Variants in PTDSS1 observed in about 807,000 individuals in gnomAD.
PTDSS1 encodes phosphatidylserine synthase 1, also known as PSS-1.
Under a neutral mutation model 70.5 loss-of-function variants are expected in PTDSS1, and 45 were observed. That is an observed-to-expected ratio of 0.64 (90% CI 0.50 to 0.82). The LOEUF (loss-of-function observed/expected upper bound fraction) is 0.82, where lower values mean the gene tolerates loss of function less well. Ranked by LOEUF, PTDSS1 falls within the 40% of genes least tolerant of loss-of-function variation. The pLI is 0.00. For missense variants in PTDSS1, 417 were observed against 586.1 expected (o/e 0.71, Z 2.98); for synonymous variants, 188 against 203.8 (o/e 0.92, Z 0.66).
Position 96,333,680 on chromosome 8 carries a change from G to A in PTDSS1, c.*114G>A, listed in dbSNP as rs777671798. The A allele has an allele frequency of 7.3e-6, 7 of 964,930 alleles. No homozygotes were observed. The highest frequency in any genetic ancestry group is 4.8e-5 in the African/African-American group (3 of 61,984). The allele number at this position is 964,930 out of a possible 1,614,324, so 59.8% of individuals were successfully genotyped here. A position where few individuals can be genotyped will look rare whatever the true frequency, so the allele number is the denominator to read the frequency against. On this transcript the variant is annotated 3_prime_UTR_variant, in exon 13 of 13. Transcript: ENST00000517309. ...GCGCACAGGGCAAGCAGGAAGAGGC[G>A]AGGGCACTTGGGGGTCATTATTTGA...
chr8:96,274,797 C>T (rs924704239), intron 2 of PTDSS1, among the ~76,000 whole-genome samples: 3 of 152,088 alleles, frequency 2.0e-5, no homozygotes, highest in Admixed American at 2.0e-4. Flanking sequence ...CAGACTCATA[C>T]GTAGCACTGC....
At chr8:96,294,470 C>A (rs944083303) in intron 4 of PTDSS1, among the ~76,000 whole-genome samples, 30 of 152,030 alleles carry the variant, frequency 2.0e-4, no homozygotes, top group African/African-American at 6.5e-4. Context: ...AGAAATGGAA[C>A]CAACATTCTG....
chr8:96,330,947 A>G, intron 11 of PTDSS1, 79 bp from the exon 12 acceptor site: 1 of 1,229,994 alleles, frequency 8.1e-7, no homozygotes, highest in East Asian at 2.3e-5. Context: ...GCAGGGATGC[A>G]GCATGCTCGC....
rs150031410 is a variant in PTDSS1 at position 96,311,854 on chromosome 8, A to C, written c.1073+2232A>C. ...CGCTTCATGTGTGAGGGCCCTGTGT[A>C]CTGGAAGAAGGGATGTGGGCCCCTC... is the stretch of plus-strand genomic sequence containing the variant. On this transcript the variant is annotated intron_variant, in intron 9 of 12. Transcript: ENST00000517309. 1.9e-3 allele frequency among the ~76,000 whole-genome samples: 295 copies of C among 152,310 alleles called. 1 individual carries two copies. Among genetic ancestry groups the C allele is most frequent in the African/African-American group, 6.9e-3 (285 of 41,568 alleles).
chr8:96,291,059 G>T (rs1380837317), intron 4 of PTDSS1, among the ~76,000 whole-genome samples: 1 of 151,816 alleles, frequency 6.6e-6, no homozygotes, highest in East Asian at 1.9e-4. Flanking sequence ...ATGTCTTTAA[G>T]CTTCAATACT....
At chr8:96,272,274 A>G (rs78124109) in intron 1 of PTDSS1, among the ~76,000 whole-genome samples, 2,452 of 151,432 alleles carry the variant, frequency 0.016, 29 homozygotes, top group Non-Finnish European at 0.027. Flanking sequence ...TATTTTTTTA[A>G]TTCTCCAATT....
intron 11 of PTDSS1, chr8:96,330,695 C>T (rs1361353897): frequency 2.7e-6 from 1 of 375,978 alleles, no homozygotes; most frequent in African/African-American, 2.0e-5. Context: ...ATGAGGATAC[C>T]ATAGAAAATA....
At chr8:96,326,824 G>T (rs1417511976) in intron 10 of PTDSS1, among the ~76,000 whole-genome samples, 2 of 152,206 alleles carry the variant, frequency 1.3e-5, no homozygotes, top group Non-Finnish European at 2.9e-5. Context: ...GTGCTGCCAG[G>T]CCTAGTTGAC....
At chr8:96,264,686 C>G (rs987380198) in intron 1 of PTDSS1, among the ~76,000 whole-genome samples, 1 of 152,148 alleles carries the variant, frequency 6.6e-6, no homozygotes, top group Admixed American at 6.5e-5. Context: ...AAATAGGTTT[C>G]TCTTCCTCTT....
rs557444718 is a variant in PTDSS1 at position 96,306,504 on chromosome 8, T to C, written c.955T>C (p.Leu319=). The C allele has an allele frequency of 3.8e-5, 61 of 1,614,156 alleles. No homozygotes were observed. In the South Asian group the frequency reaches 5.9e-4, roughly 16 times the overall value. Residue 319 remains leucine, a synonymous_variant, in exon 8 of 13, where the codon TTA becomes CTA. Coordinates refer to ENST00000517309, the MANE Select transcript of PTDSS1 (RefSeq NM_014754.3). Reference sequence around the variant, plus strand: ...CTTTGTGTTCCAAGCCAGTCATCCATTAAGTTGGGGTAGAATTCTCTTTAT... The same window carrying C: ...CTTTGTGTTCCAAGCCAGTCATCCACTAAGTTGGGGTAGAATTCTCTTTAT... ...HIFVFQASHP[L]SWGRILFIGG...
In PTDSS1 at chr8:96,325,467, C is replaced by G. The variant is rs1358302506; in HGVS notation, c.1174-4746C>G. On this transcript the variant is annotated intron_variant, in intron 10 of 12. Transcript: ENST00000517309. ...AGGATTTTTAAGGGTTGCAGTGAAC[C>G]GCTGGCTTTCCCCCAGCCCCCCAGG... Among the ~76,000 whole-genome samples, 4 of 152,264 alleles carry G rather than the reference C, an allele frequency of 2.6e-5. No individual in the cohort carries two copies. In the South Asian group the frequency reaches 8.3e-4, roughly 32 times the overall value.
At chr8:96,331,469 C>T (rs989545149) in intron 12 of PTDSS1, among the ~76,000 whole-genome samples, 1 of 151,858 alleles carries the variant, frequency 6.6e-6, no homozygotes, top group Admixed American at 6.6e-5. Context: ...GCGGAGGTTG[C>T]CATGAGCCAA....
At chr8:96,292,605 G>C (rs1810923695) in intron 4 of PTDSS1, among the ~76,000 whole-genome samples, 1 of 152,322 alleles carries the variant, frequency 6.6e-6, no homozygotes, top group South Asian at 2.1e-4. Flanking sequence ...AAAGGCCATG[G>C]AAGGTTTATA....
chr8:96,288,281 T>C lies in PTDSS1; in HGVS notation c.441+1135T>C, dbSNP rs73271859. ...TGGATGTGTTCACTAACCTGGAAAC[T>C]CTGAACCCCAGAGTTCAGAGATTTT... On this transcript the variant is annotated intron_variant, in intron 4 of 12. Coordinates refer to ENST00000517309, the MANE Select transcript of PTDSS1 (RefSeq NM_014754.3). 5.5e-3 allele frequency among the ~76,000 whole-genome samples: 836 copies of C among 152,164 alleles called. 7 individuals carry two copies. Among genetic ancestry groups the C allele is most frequent in the African/African-American group, 0.019 (784 of 41,510 alleles).
chr8:96,299,609 T>A (rs1488251602), intron 5 of PTDSS1, 85 bp from the exon 6 acceptor site: 1 of 1,330,474 alleles, frequency 7.5e-7, no homozygotes, highest in East Asian at 2.4e-5. Context: ...TCTAAAATAA[T>A]GTATTGTTAA....
intron 7 of PTDSS1, among the ~76,000 whole-genome samples, chr8:96,305,658 T>G (rs1811112037): frequency 6.6e-6 from 1 of 152,156 alleles, no homozygotes; most frequent in Non-Finnish European, 1.5e-5. Flanking sequence ...CATCGTCATC[T>G]CTCAGATGTG....
At chr8:96,291,156 TG>T (rs1810897276) in intron 4 of PTDSS1, among the ~76,000 whole-genome samples, 1 of 151,954 alleles carries the variant, frequency 6.6e-6, no homozygotes, top group African/African-American at 2.4e-5. Flanking sequence ...CTGGTGGGAG[TG>T]GGGGAGAGGG....
chr8:96,289,531 CA>C (rs1390780476), intron 4 of PTDSS1, among the ~76,000 whole-genome samples: 1 of 152,308 alleles, frequency 6.6e-6, no homozygotes, highest in African/African-American at 2.4e-5. Flanking sequence ...GAACTGGGGA[CA>C]AGGACCAAAT....
At position 96,318,902 on chromosome 8, in the gene PTDSS1, C is replaced by CTTTTTTTT. The variant is rs71267241; in HGVS notation, c.1074-1325_1074-1318dup. The stretch of plus-strand genomic sequence containing the variant: ...AAGGGCCTTCTTGGCCCCTTCTTGC[C>CTTTTTTTT]TTTTTTTTTTTTTTTTTTTTTTTTT... On this transcript the variant is annotated intron_variant, in intron 9 of 12. Coordinates refer to ENST00000517309, the MANE Select transcript of PTDSS1 (RefSeq NM_014754.3). 6.5e-5 allele frequency among the ~76,000 whole-genome samples: 3 copies of CTTTTTTTT among 46,188 alleles called. 1 individual carries two copies. Among genetic ancestry groups the CTTTTTTTT allele is most frequent in the Non-Finnish European group, 1.2e-4 (3 of 25,418 alleles). The allele number at this position is 46,188 out of a possible 152,430, so 30.3% of individuals were successfully genotyped here. A position where few individuals can be genotyped will look rare whatever the true frequency, so the allele number is the denominator to read the frequency against.
Sources: allele counts gnomAD v4.1 joint callset (sites outside exome capture counted in the v4.1 genomes callset), GRCh38; gene constraint gnomAD v4.1.1; transcripts MANE v1.5; gene names NCBI Gene and HGNC (gene_info 2026-07-23, HGNC 2026-07-21).